SPIRE1: variants seen among roughly 807,000 people sequenced by gnomAD.
The protein encoded by SPIRE1 is spire type actin nucleation factor 1, also known as protein spire homolog 1.
In SPIRE1, 40 loss-of-function variants were observed where a neutral mutation model predicts 94.1. That is an observed-to-expected ratio of 0.43 (90% confidence interval 0.33 to 0.55). SPIRE1 has a LOEUF of 0.55. SPIRE1 is among the 20% of genes least tolerant of loss of function. SPIRE1 has a pLI of 0.06. For missense variants in SPIRE1, 838 were observed against 975.2 expected, an observed-to-expected ratio of 0.86 and a Z score of 1.87; for synonymous variants, 376 against 371.7, an observed-to-expected ratio of 1.01 and a Z score of -0.13.
intron 2 of SPIRE1, among the ~76,000 whole-genome samples, chr18:12,556,194 G>T (rs1190758348): frequency 6.6e-6 from 1 of 152,086 alleles, no homozygotes; most frequent in Non-Finnish European, 1.5e-5. Context: ...GATGTTCATG[G>T]ATTGGAAGAA....
chr18:12,645,700 C>A (rs1483026091), intron 1 of SPIRE1, among the ~76,000 whole-genome samples: 1 of 152,158 alleles, frequency 6.6e-6, no homozygotes, highest in Non-Finnish European at 1.5e-5. Context: ...TTCAATACAT[C>A]TACAAAGCCC....
intron 3 of SPIRE1, among the ~76,000 whole-genome samples, chr18:12,538,681 C>CT (rs112233458): frequency 6.6e-6 from 1 of 152,024 alleles, no homozygotes; most frequent in South Asian, 2.1e-4. Context: ...GAGAGTCATC[C>CT]TTTTTTCCCC....
rs543399761 is a variant in SPIRE1 at position 12,570,940 on chromosome 18, C to A, written c.373-24036G>T. Among the ~76,000 whole-genome samples, 176 of 152,262 alleles carry A rather than the reference C, an allele frequency of 1.2e-3. 1 individual carries two copies. The highest frequency in any genetic ancestry group is 1.1e-3 in the Non-Finnish European group (77 of 68,014). The stretch of plus-strand genomic sequence containing the variant: ...TGGGTTTACAGTCAACCAGAATGGC[C>A]AAGTCACACACATCATAATAGTTAA... On this transcript the variant is annotated intron_variant, in intron 2 of 16. Transcript: ENST00000409402.
Position 12,657,524 on chromosome 18 carries a change from C to T in SPIRE1, c.337+6G>A. The T allele has an allele frequency of 8.1e-7, 1 of 1,230,962 alleles. No individual in the cohort carries two copies. Among genetic ancestry groups the T allele is most frequent in the Non-Finnish European group, 1.0e-6 (1 of 986,770 alleles). 76.3% of individuals were successfully genotyped at this position (1,230,962 alleles called of 1,614,324 possible). A position where few individuals can be genotyped will look rare whatever the true frequency, so the allele number is the denominator to read the frequency against. On this transcript the variant is annotated splice_donor_region_variant and intron_variant, in intron 1 of 16. Coordinates refer to ENST00000409402, the MANE Select transcript of SPIRE1 (RefSeq NM_001128626.2). The stretch of plus-strand genomic sequence containing the variant: ...ACTACGAGGGAAAGGGGCCCGGCGG[C>T]CTCACCCGCAACTGGGGGCGGCTCT...
At chr18:12,457,899 C>G (rs1031101906) in intron 12 of SPIRE1, among the ~76,000 whole-genome samples, 1 of 146,820 alleles carries the variant, frequency 6.8e-6, no homozygotes, top group Non-Finnish European at 1.5e-5. Context: ...GGCTGGAGTG[C>G]AGTGGTGCGA....
At chr18:12,554,170 G>T (rs1017250508) in intron 2 of SPIRE1, among the ~76,000 whole-genome samples, 1 of 151,784 alleles carries the variant, frequency 6.6e-6, no homozygotes, top group Non-Finnish European at 1.5e-5. Flanking sequence ...ATGATGGCAC[G>T]TGTCTGTAAT....
chr18:12,499,919 A>G (rs1273809170), intron 6 of SPIRE1, among the ~76,000 whole-genome samples: 1 of 152,232 alleles, frequency 6.6e-6, no homozygotes, highest in African/African-American at 2.4e-5. Flanking sequence ...CAAACAATCC[A>G]ATTAAAAAAT....
intron 2 of SPIRE1, among the ~76,000 whole-genome samples, chr18:12,554,162 G>C (rs961025604): frequency 1.3e-5 from 2 of 151,962 alleles, no homozygotes; most frequent in Non-Finnish European, 2.9e-5. Flanking sequence ...AGCTGGGCAT[G>C]ATGGCACGTG....
chr18:12,530,012 T>G (rs1297100341), intron 4 of SPIRE1, among the ~76,000 whole-genome samples: 2 of 151,002 alleles, frequency 1.3e-5, no homozygotes, highest in African/African-American at 4.9e-5. Context: ...ATAGTAGTAA[T>G]GTCAGTATTG....
chr18:12,601,422 C>CA (rs532680656), intron 2 of SPIRE1, among the ~76,000 whole-genome samples: 88 of 151,604 alleles, frequency 5.8e-4, no homozygotes, highest in East Asian at 2.5e-3. Flanking sequence ...GACTCCATTT[C>CA]AAAAAAAACG....
At chr18:12,600,217 G>A (rs747805248) in intron 2 of SPIRE1, among the ~76,000 whole-genome samples, 3 of 151,964 alleles carry the variant, frequency 2.0e-5, no homozygotes, top group Non-Finnish European at 2.9e-5. Context: ...CAGATGATGA[G>A]CCCCAGCTGA....
Position 12,493,063 on chromosome 18 carries a change from T to G in SPIRE1, c.1189+9A>C. The G allele has an allele frequency of 1.9e-6, 3 of 1,605,334 alleles. No individual in the cohort carries two copies. The highest frequency in any genetic ancestry group is 2.5e-6 in the Non-Finnish European group (3 of 1,177,752). On this transcript the variant is annotated intron_variant, in intron 8 of 16. Coordinates refer to ENST00000409402, the MANE Select transcript of SPIRE1 (RefSeq NM_001128626.2). ...ACTCTAGACTGAGTACAGGAAGCAG[T>G]GGACTCACCTAATCTGCTACGTCTA...
intron 2 of SPIRE1, among the ~76,000 whole-genome samples, chr18:12,595,766 T>C (rs944700382): frequency 1.3e-5 from 2 of 152,246 alleles, no homozygotes; most frequent in South Asian, 4.1e-4. Context: ...ATGTGTGCTG[T>C]GGTGAGGTAA....
At chr18:12,598,017 G>T (rs919453245) in intron 2 of SPIRE1, among the ~76,000 whole-genome samples, 1 of 152,096 alleles carries the variant, frequency 6.6e-6, no homozygotes, top group Non-Finnish European at 1.5e-5. Flanking sequence ...ACATACTTTG[G>T]ATTTTTATAC....
chr18:12,658,142 T>C (rs1294434276), upstream of SPIRE1: 5 of 874,232 alleles, frequency 5.7e-6, no homozygotes, highest in Non-Finnish European at 7.0e-6. Flanking sequence ...CCTCGCGCCG[T>C]CCAGCGCCGC....
chr18:12,540,055 A>C (rs62097094), intron 3 of SPIRE1, among the ~76,000 whole-genome samples: 81,383 of 151,738 alleles, frequency 0.54, 23,024 homozygotes, highest in Middle Eastern at 0.74. Flanking sequence ...GAGCAGAGAG[A>C]TCAATGAAGA....
At chr18:12,609,836 C>T (rs1467075852) in intron 2 of SPIRE1, among the ~76,000 whole-genome samples, 2 of 152,208 alleles carry the variant, frequency 1.3e-5, no homozygotes, top group African/African-American at 2.4e-5. Context: ...GCCCACCCCT[C>T]CCCACCTCTT....
intron 12 of SPIRE1, among the ~76,000 whole-genome samples, chr18:12,456,135 G>T (rs1370860689): frequency 6.6e-6 from 1 of 152,166 alleles, no homozygotes; most frequent in Non-Finnish European, 1.5e-5. Context: ...TACTCAGAAA[G>T]ATTATATCAT....
At position 12,489,178 on chromosome 18, in the gene SPIRE1, A is replaced by G. The variant is rs1306939089; in HGVS notation, c.1190-3178T>C. On this transcript the variant is annotated intron_variant, in intron 8 of 16. Transcript: ENST00000409402. ...ACTCCAGCCTGGGAGACAGTGCGAG[A>G]CTCCGTCTCAAAAAAGAAAGAATAA... Among the ~76,000 whole-genome samples, 3 of 152,044 alleles carry G rather than the reference A, an allele frequency of 2.0e-5. No homozygotes were observed. The South Asian group carries it at 6.2e-4, about 32-fold the overall frequency.
Sources: gnomAD v4.1 joint callset for allele counts (sites outside exome capture counted in the v4.1 genomes callset) on GRCh38, gnomAD v4.1.1 for gene constraint, MANE v1.5 for transcripts, NCBI Gene and HGNC (gene_info 2026-07-23, HGNC 2026-07-21) for gene names.